CLSTN2: variants seen among roughly 807,000 people sequenced by gnomAD.
The protein encoded by CLSTN2 is calsyntenin 2, also known as calsyntenin-2.
Under a neutral mutation model 101.2 loss-of-function variants are expected in CLSTN2, and 48 were observed. The ratio of observed to expected loss-of-function variants is 0.47; its 90% CI spans 0.38 to 0.60. The LOEUF (loss-of-function observed/expected upper bound fraction) is 0.60. Ranked by LOEUF, CLSTN2 falls within the 20% of genes least tolerant of loss-of-function variation. The pLI, the probability that CLSTN2 is intolerant of heterozygous loss-of-function variation, is 0.00. For synonymous variants in CLSTN2, 481 were observed against 463.6 expected, an observed-to-expected ratio of 1.04 and a Z score of -0.48; for missense variants, 1,160 against 1,238.2, an observed-to-expected ratio of 0.94 and a Z score of 0.95.
chr3:140,116,060 G>A (rs568505206), intron 1 of CLSTN2, among the ~76,000 whole-genome samples: 16 of 152,300 alleles, frequency 1.1e-4, no homozygotes, highest in South Asian at 8.3e-4. Context: ...GGGAGGGGCC[G>A]TTTTTGACCC....
At chr3:140,529,774 T>A (rs1441800001) in intron 8 of CLSTN2, among the ~76,000 whole-genome samples, 1 of 152,184 alleles carries the variant, frequency 6.6e-6, no homozygotes, top group Admixed American at 6.5e-5. Context: ...CATTCCTACC[T>A]TTGACTCTTG....
At chr3:140,434,946 T>A (rs759661311) in intron 5 of CLSTN2, among the ~76,000 whole-genome samples, 1 of 152,202 alleles carries the variant, frequency 6.6e-6, no homozygotes, top group East Asian at 1.9e-4. Context: ...GGGTACATAG[T>A]AGGTGTATAT....
rs369312279 is a variant in CLSTN2 at position 140,060,333 on chromosome 3, C to T, written c.110-115618C>T. ...AGCTCATGGAGTAGGGGCTGGGGGTCATGGGAAGAAGACTGCCTATGACTC... is the reference window on the plus strand; with the variant it reads ...AGCTCATGGAGTAGGGGCTGGGGGTTATGGGAAGAAGACTGCCTATGACTC... On this transcript the variant is annotated intron_variant, in intron 1 of 16. Transcript: ENST00000458420. 3.3e-5 allele frequency among the ~76,000 whole-genome samples: 5 copies of T among 152,194 alleles called. No homozygotes were observed. The South Asian group carries it at 8.3e-4, about 25-fold the overall frequency.
intron 2 of CLSTN2, among the ~76,000 whole-genome samples, chr3:140,282,713 C>T (rs914936044): frequency 6.6e-5 from 10 of 152,076 alleles, no homozygotes; most frequent in African/African-American, 2.4e-4. Flanking sequence ...ATAGAGTGGC[C>T]TGGTAATTTG....
At chr3:140,131,236 G>C (rs1438248863) in intron 1 of CLSTN2, among the ~76,000 whole-genome samples, 1 of 150,680 alleles carries the variant, frequency 6.6e-6, no homozygotes, top group Non-Finnish European at 1.5e-5. Flanking sequence ...GGGTTCTTAT[G>C]ATACCATTTT....
intron 1 of CLSTN2, among the ~76,000 whole-genome samples, chr3:140,004,948 C>T (rs1054540589): frequency 1.3e-5 from 2 of 152,240 alleles, no homozygotes; most frequent in Admixed American, 6.5e-5. Context: ...TATTGGTCCA[C>T]TGGGACCACA....
chr3:140,182,642 G>T (rs1032149197), intron 2 of CLSTN2, among the ~76,000 whole-genome samples: 5 of 152,182 alleles, frequency 3.3e-5, no homozygotes, highest in African/African-American at 1.2e-4. Context: ...ACCCAGTCAT[G>T]AGGCTTCAGC....
At chr3:139,957,752 CA>C (rs903744398) in intron 1 of CLSTN2, among the ~76,000 whole-genome samples, 56 of 152,258 alleles carry the variant, frequency 3.7e-4, no homozygotes, top group African/African-American at 1.3e-3. Context: ...CCTAAGTCAG[CA>C]GAGGACATGT....
chr3:139,992,300 A>G (rs545392284), intron 1 of CLSTN2, among the ~76,000 whole-genome samples: 1 of 152,314 alleles, frequency 6.6e-6, no homozygotes, highest in East Asian at 1.9e-4. Context: ...GAGGGAGAAG[A>G]GTAAAATATA....
At chr3:140,165,472 GGAAA>G in intron 1 of CLSTN2, among the ~76,000 whole-genome samples, 1 of 152,172 alleles carries the variant, frequency 6.6e-6, no homozygotes, top group Non-Finnish European at 1.5e-5. Flanking sequence ...ATGGGAACAA[GGAAA>G]GATCCAATGG....
At chr3:140,227,677 A>C (rs909838982) in intron 2 of CLSTN2, among the ~76,000 whole-genome samples, 1 of 152,140 alleles carries the variant, frequency 6.6e-6, no homozygotes, top group Admixed American at 6.5e-5. Context: ...ACCCTGTGCA[A>C]ACTTCTGTCT....
At chr3:140,330,509 C>T (rs2107928965) in intron 2 of CLSTN2, among the ~76,000 whole-genome samples, 1 of 152,312 alleles carries the variant, frequency 6.6e-6, no homozygotes, top group African/African-American at 2.4e-5. Context: ...CAATAACTAG[C>T]CCATTTCTGC....
At chr3:140,340,228 T>C (rs893199216) in intron 2 of CLSTN2, among the ~76,000 whole-genome samples, 2 of 152,260 alleles carry the variant, frequency 1.3e-5, no homozygotes, top group Admixed American at 1.3e-4. Context: ...GGCTAATTTG[T>C]AAAGTACGCC....
rs78382802 is a variant in CLSTN2 at position 140,434,250 on chromosome 3, C to G, written c.787+12976C>G. 6.2e-4 allele frequency among the ~76,000 whole-genome samples: 94 copies of G among 152,248 alleles called. No individual in the cohort carries two copies. In the East Asian group the frequency reaches 0.016, roughly 27 times the overall value. ...ACTGGATGGAGAGCCACGAGCTGGC[C>G]GAGGTTGGCCCCAGGAGCTCTGTTA... On this transcript the variant is annotated intron_variant, in intron 5 of 16. Coordinates refer to ENST00000458420, the MANE Select transcript of CLSTN2 (RefSeq NM_022131.3).
At chr3:140,225,477 C>T (rs2086309753) in intron 2 of CLSTN2, among the ~76,000 whole-genome samples, 1 of 140,542 alleles carries the variant, frequency 7.1e-6, no homozygotes. Context: ...TGAATACGGG[C>T]ACTGACATTT....
At chr3:140,454,351 G>C (rs1461558885) in intron 6 of CLSTN2, 1 of 152,212 alleles carries the variant, frequency 6.6e-6, no homozygotes, top group African/African-American at 2.4e-5. Context: ...GCAAAACCTA[G>C]TTTCCTTCAC....
chr3:140,239,110 G>T (rs1284125900), intron 2 of CLSTN2, among the ~76,000 whole-genome samples: 2 of 152,224 alleles, frequency 1.3e-5, no homozygotes, highest in South Asian at 4.2e-4. Flanking sequence ...TTGCAGGAAG[G>T]CTTCAGTAAC....
chr3:140,509,702 G>A (rs1934770697), intron 8 of CLSTN2, among the ~76,000 whole-genome samples: 1 of 152,270 alleles, frequency 6.6e-6, no homozygotes, highest in South Asian at 2.1e-4. Flanking sequence ...GCTCCTGCAG[G>A]AGACAGCACA....
intron 1 of CLSTN2, 85 bp from the exon 2 acceptor site, chr3:140,175,866 G>A: frequency 1.5e-6 from 2 of 1,309,574 alleles, no homozygotes; most frequent in Non-Finnish European, 2.1e-6. Flanking sequence ...CTATGATTGG[G>A]CAAATATACA....
Sources: gnomAD v4.1 joint callset for allele counts (sites outside exome capture counted in the v4.1 genomes callset) on GRCh38, gnomAD v4.1.1 for gene constraint, MANE v1.5 for transcripts, NCBI Gene and HGNC (gene_info 2026-07-23, HGNC 2026-07-21) for gene names.